The following MSH6 variants were observed in gnomAD, a reference collection of about 807,000 sequenced individuals.
MSH6 encodes the protein DNA mismatch repair protein Msh6.
Under a neutral mutation model 119.1 loss-of-function variants are expected in MSH6, and 85 were observed. The observed-to-expected ratio is 0.71, with a 90% CI of 0.60 to 0.85. The LOEUF (loss-of-function observed/expected upper bound fraction) is 0.85, where lower values mean the gene tolerates loss of function less well. Among genes scored for constraint, MSH6 ranks in the 40% least tolerant of loss-of-function variants. MSH6 has a pLI of 0.00. For synonymous variants in MSH6, 830 were observed against 586.9 expected (o/e 1.41, Z -5.99); for missense variants, 2,163 against 1,655.3 (o/e 1.31, Z -5.32).
At position 47,800,302 on chromosome 2, in the gene MSH6, C is replaced by T. The variant is rs63749895; in HGVS notation, c.2319C>T (p.Leu773=). 4.3e-5 allele frequency: 69 copies of T among 1,613,978 alleles called. No homozygotes were observed. The highest frequency in any genetic ancestry group is 2.0e-4 in the Admixed American group (12 of 59,988). ...DTCHTPFGKR[L]LKQWLCAPLC... ...GCCATACTCCTTTTGGTAAGCGGCTCCTAAAGCAATGGCTTTGTGCCCCAC... is the reference window on the plus strand; with the variant it reads ...GCCATACTCCTTTTGGTAAGCGGCTTCTAAAGCAATGGCTTTGTGCCCCAC... The change falls in exon 4 of 10, where the codon CTC becomes CTT. Residue 773 remains leucine (L), a synonymous_variant. Transcript: ENST00000234420.
rs201892477 is a variant in MSH6, at chr2:47,799,373, A to T, written c.1390A>T (p.Ile464Phe). The T allele has an allele frequency of 1.2e-6, 2 of 1,614,124 alleles. No homozygotes were observed. Among genetic ancestry groups the T allele is most frequent in the Non-Finnish European group, 1.7e-6 (2 of 1,180,022 alleles). ...GNWAHSGFPE[I>F]AFGRYSDSLV... Reference sequence around the variant, plus strand: ...CTGGGCCCATTCTGGCTTTCCTGAAATTGCATTTGGCCGTTATTCAGATTC... The same window carrying T: ...CTGGGCCCATTCTGGCTTTCCTGAATTTGCATTTGGCCGTTATTCAGATTC... The change falls in exon 4 of 10, where the codon ATT becomes TTT. Residue 464 changes from isoleucine to phenylalanine, a missense_variant. Physicochemically the swap from Ile to Phe is conservative, Grantham distance 21. Coordinates refer to ENST00000234420, the MANE Select transcript of MSH6 (RefSeq NM_000179.3).
rs1553331315 is a variant in MSH6, at chr2:47,803,478, A to G, written c.3231A>G (p.Pro1077=). ...GGGGTGATGGTCCTATGTGTCGCCCAGTAATTCTGTTGCCGGAAGATACCC... is the reference window on the plus strand; with the variant it reads ...GGGGTGATGGTCCTATGTGTCGCCCGGTAATTCTGTTGCCGGAAGATACCC... ...SRGGDGPMCR[P]VILLPEDTPP... is the part of the protein sequence containing the mutation. The change falls in exon 5 of 10, where the codon CCA becomes CCG. Residue 1077 remains proline (P), a synonymous_variant. Coordinates refer to ENST00000234420, the MANE Select transcript of MSH6 (RefSeq NM_000179.3). The G allele has an allele frequency of 1.2e-6, 2 of 1,614,160 alleles. No individual in the cohort carries two copies.
At position 47,789,748 on chromosome 2, in the gene MSH6, C is replaced by G. The variant is rs148231002; in HGVS notation, c.261-1179C>G. ...ACACATCTTCCCCTGTACTTTATCT[C>G]TAGATTACGTACAATACCTAATAGA... On this transcript the variant is annotated intron_variant, in intron 1 of 9. Coordinates refer to ENST00000234420, the MANE Select transcript of MSH6 (RefSeq NM_000179.3). Among the ~76,000 whole-genome samples the G allele has an allele frequency of 2.6e-3, 389 of 152,252 alleles. 2 individuals carry two copies. Among genetic ancestry groups the G allele is most frequent in the Middle Eastern group, 0.014 (4 of 294 alleles).
At position 47,783,330 on chromosome 2, in the gene MSH6, C is replaced by A. The variant is rs730881811; in HGVS notation, c.97C>A (p.Arg33Ser). Reference protein sequence around the residue: ...ASARASREGGRAAAAPGASPS... With the variant: ...ASARASREGGSAAAAPGASPS... ...GGCCAGGGCCTCACGCGAAGGCGGC[C>A]GTGCCGCCGCTGCCCCCGGGGCCTC... Residue 33 changes from arginine to serine, a missense_variant, in exon 1 of 10, where the codon CGT becomes AGT. Transcript: ENST00000234420. 6.2e-7 allele frequency: 1 copy of A among 1,609,950 alleles called. No homozygotes were observed. The highest frequency in any genetic ancestry group is 8.5e-7 in the Non-Finnish European group (1 of 1,178,536).
chr2:47,809,085 ATGCTAGGCAT>A, downstream of MSH6: 2 of 932,234 alleles, frequency 2.1e-6, no homozygotes, highest in African/African-American at 1.7e-5. Flanking sequence ...ATAGCCAAAA[ATGCTAGGCAT>A]TGCTAATTTA....
At chr2:47,808,166 T>C (rs377413299), downstream of MSH6, 50 of 1,613,362 alleles carry the variant, frequency 3.1e-5, 1 homozygote, top group East Asian at 4.5e-5. Context: ...CAGAGTCATA[T>C]AGTGTATCTG....
At chr2:47,791,312 T>G (rs1353374702) in intron 2 of MSH6, among the ~76,000 whole-genome samples, 189 bp downstream of exon 2, 1 of 152,202 alleles carries the variant, frequency 6.6e-6, no homozygotes, top group African/African-American at 2.4e-5. Context: ...TTAGCTGGTT[T>G]GTTTTGTGGA....
rs770323844 is a variant in MSH6, at chr2:47,800,026, C to G, written c.2043C>G (p.Leu681=). Residue 681 remains leucine, a synonymous_variant, in exon 4 of 10, where the codon CTC becomes CTG. Coordinates refer to ENST00000234420, the MANE Select transcript of MSH6 (RefSeq NM_000179.3). ...CAGGAGAGAAAAGTGAATTGGCCCTCTCTGCTCTAGGTGGTTGTGTCTTCT... is the reference window on the plus strand; with the variant it reads ...CAGGAGAGAAAAGTGAATTGGCCCTGTCTGCTCTAGGTGGTTGTGTCTTCT... ...LTPGEKSELA[L]SALGGCVFYL... is the part of the protein sequence containing the mutation. The G allele has an allele frequency of 1.9e-6, 3 of 1,614,080 alleles. No individual in the cohort carries two copies. The highest frequency in any genetic ancestry group is 1.3e-5 in the African/African-American group (1 of 75,012).
At chr2:47,788,570 CT>C (rs531963943) in intron 1 of MSH6, among the ~76,000 whole-genome samples, 21,622 of 104,656 alleles carry the variant, frequency 0.21, 1,800 homozygotes, top group Non-Finnish European at 0.29. Context: ...TTTTCTTTTT[CT>C]TTTTTTTTTT....
In MSH6 at chr2:47,796,067, G is replaced by GAA; in HGVS notation, c.627+4_627+5insAA. Reference sequence around the variant, plus strand: ...AGAAGAGGAAGAAGAGATGGAGGTGGGACACGGCAAGCATTCAGTTGTTAT... The same window carrying GAA: ...AGAAGAGGAAGAAGAGATGGAGGTGGAAGACACGGCAAGCATTCAGTTGTTAT... On this transcript the variant is annotated splice_donor_region_variant and intron_variant, in intron 3 of 9. Coordinates refer to ENST00000234420, the MANE Select transcript of MSH6 (RefSeq NM_000179.3). The GAA allele has an allele frequency of 6.2e-7, 1 of 1,613,996 alleles. No homozygotes were observed. Among genetic ancestry groups the GAA allele is most frequent in the East Asian group, 2.2e-5 (1 of 44,882 alleles).
At chr2:47,786,944 T>C (rs868618660) in intron 1 of MSH6, among the ~76,000 whole-genome samples, 1 of 152,156 alleles carries the variant, frequency 6.6e-6, no homozygotes, top group Non-Finnish European at 1.5e-5. Flanking sequence ...CCTTATGGCA[T>C]CTTTCGATGA....
chr2:47,799,139 C>A lies in MSH6; in HGVS notation c.1156C>A (p.Pro386Thr), dbSNP rs2104323645. 1 of 1,613,186 alleles carries A rather than the reference C, an allele frequency of 6.2e-7. No individual in the cohort carries two copies. Among genetic ancestry groups the A allele is most frequent in the Non-Finnish European group, 8.5e-7 (1 of 1,179,756 alleles). ...EKRRDEHRRRPDHPDFDASTL... is the reference protein window; with the variant it reads ...EKRRDEHRRRTDHPDFDASTL... ...GAGAAGAGATGAGCACAGGAGGAGG[C>A]CTGATCACCCCGATTTTGATGCATC... Residue 386 changes from proline (P) to threonine (T), a missense_variant, in exon 4 of 10, where the codon CCT becomes ACT. Coordinates refer to ENST00000234420, the MANE Select transcript of MSH6 (RefSeq NM_000179.3).
intron 1 of MSH6, among the ~76,000 whole-genome samples, chr2:47,790,334 G>T (rs1668649307): frequency 6.6e-6 from 1 of 152,208 alleles, no homozygotes; most frequent in Non-Finnish European, 1.5e-5. Flanking sequence ...TGAGACACAA[G>T]AATCGCTTGA....
At chr2:47,807,284 C>T, downstream of MSH6, 1 of 220,368 alleles carries the variant, frequency 4.5e-6, no homozygotes, top group Non-Finnish European at 9.1e-6. Context: ...CTAAAGTGTA[C>T]TTAAAACATA....
chr2:47,805,151 A>G (rs1669897773), intron 6 of MSH6, 124 bp downstream of exon 6: 2 of 741,562 alleles, frequency 2.7e-6, no homozygotes, highest in Non-Finnish European at 2.4e-6. Context: ...CTTTAAAAAC[A>G]TCACTTTTTA....
chr2:47,800,684 C>T lies in MSH6; in HGVS notation c.2701C>T (p.Arg901Cys), dbSNP rs772514245. The T allele has an allele frequency of 6.8e-6, 11 of 1,614,066 alleles. No homozygotes were observed. Among genetic ancestry groups the T allele is most frequent in the African/African-American group, 1.3e-5 (1 of 75,014 alleles). Residue 901 changes from arginine to cysteine, a missense_variant, in exon 4 of 10, where the codon CGT becomes TGT. By Grantham distance (180) the Arg-to-Cys change is radical (BLOSUM62 -3). Coordinates refer to ENST00000234420, the MANE Select transcript of MSH6 (RefSeq NM_000179.3). Reference protein sequence around the residue: ...ISLQTKNPEGRFPDLTVELNR... With the variant: ...ISLQTKNPEGCFPDLTVELNR... ...TCTGCAGACAAAAAATCCTGAAGGTCGTTTTCCTGATTTGACTGTAGAATT... is the reference window on the plus strand; with the variant it reads ...TCTGCAGACAAAAAATCCTGAAGGTTGTTTTCCTGATTTGACTGTAGAATT...
Position 47,806,641 on chromosome 2 carries a change from C to A in MSH6, c.3991C>A (p.Arg1331=), listed in dbSNP as rs267608094. The stretch of plus-strand genomic sequence containing the variant: ...ATTTGAGAAGATGAATCAGTCACTA[C>A]GATTATTTCGGTAACTAACTAACTA... ...REFEKMNQSL[R]LFREVCLASE... is the part of the protein sequence containing the mutation. The change falls in exon 9 of 10, where the codon CGA becomes AGA. Residue 1331 remains arginine, a synonymous_variant. Coordinates refer to ENST00000234420, the MANE Select transcript of MSH6 (RefSeq NM_000179.3). The A allele has an allele frequency of 2.5e-6, 4 of 1,608,208 alleles. No homozygotes were observed. The highest frequency in any genetic ancestry group is 3.4e-6 in the Non-Finnish European group (4 of 1,178,512).
chr2:47,803,038 C>G (rs3136348), intron 4 of MSH6, among the ~76,000 whole-genome samples: 1 of 151,920 alleles, frequency 6.6e-6, no homozygotes, highest in African/African-American at 2.4e-5. Flanking sequence ...CAGCCTCCTG[C>G]GTAGCTGGGA....
In MSH6 at chr2:47,791,277, A is replaced by T. The variant is rs1031193547; in HGVS notation, c.457+154A>T. On this transcript the variant is annotated intron_variant, in intron 2 of 9. Transcript: ENST00000234420. ...GGTGGCAGTTGTGAAAGCTTCTGGC[A>T]TGGGAAAGGGATGTAACATGGTCTT... 1.1e-4 allele frequency among the ~76,000 whole-genome samples: 17 copies of T among 152,134 alleles called. 1 individual carries two copies. The highest frequency in any genetic ancestry group is 4.1e-4 in the African/African-American group (17 of 41,412).
Sources: gnomAD v4.1 joint callset for allele counts (sites outside exome capture counted in the v4.1 genomes callset) on GRCh38, gnomAD v4.1.1 for gene constraint, MANE v1.5 for transcripts, NCBI Gene and HGNC (gene_info 2026-07-23, HGNC 2026-07-21) for gene names.